Variants in PITPNB observed in about 807,000 individuals in gnomAD.
PITPNB encodes phosphatidylinositol transfer protein beta isoform.
A neutral mutation model predicts 45.9 loss-of-function variants in PITPNB; 16 were observed. The ratio of observed to expected loss-of-function variants is 0.35; its 90% CI spans 0.24 to 0.53. PITPNB has a LOEUF of 0.53. Among genes scored for constraint, PITPNB ranks in the 20% least tolerant of loss-of-function variants. The pLI, the probability that PITPNB is intolerant of heterozygous loss-of-function variation, is 0.93. For synonymous variants in PITPNB, 112 were observed against 108.9 expected, an observed-to-expected ratio of 1.03 and a Z score of -0.18; for missense variants, 188 against 330.5, an observed-to-expected ratio of 0.57 and a Z score of 3.34.
chr22:27,853,502 T>C lies in PITPNB; in HGVS notation c.*200A>G, dbSNP rs953990683. ...CGCTTTATATACAGCTACAGACATA[T>C]GCACACATACATATATACACACGTG... On this transcript the variant is annotated 3_prime_UTR_variant, in exon 12 of 12. Coordinates refer to ENST00000335272, the MANE Select transcript of PITPNB (RefSeq NM_012399.5). 1 of 804,122 alleles carries C rather than the reference T, an allele frequency of 1.2e-6. No homozygotes were observed. The highest frequency in any genetic ancestry group is 2.1e-6 in the Non-Finnish European group (1 of 471,756). 49.8% of individuals were successfully genotyped at this position (804,122 alleles called of 1,614,324 possible). A position where few individuals can be genotyped will look rare whatever the true frequency, so the allele number is the denominator to read the frequency against.
intron 10 of PITPNB, among the ~76,000 whole-genome samples, chr22:27,857,742 T>A (rs1463486469): frequency 6.6e-6 from 1 of 152,048 alleles, no homozygotes; most frequent in African/African-American, 2.4e-5. Context: ...CAGGGAAGAA[T>A]CCATCCCGAG....
intron 3 of PITPNB, among the ~76,000 whole-genome samples, chr22:27,902,869 G>A (rs2039612945): frequency 6.6e-6 from 1 of 152,058 alleles, no homozygotes; most frequent in Non-Finnish European, 1.5e-5. Flanking sequence ...CAGGTACGCT[G>A]TACTGTGACT....
intron 10 of PITPNB, among the ~76,000 whole-genome samples, chr22:27,856,766 TGTTCAGTGGACAC>T (rs1934186026): frequency 6.6e-6 from 1 of 152,198 alleles, no homozygotes; most frequent in African/African-American, 2.4e-5. Context: ...TTCTGTTTCA[TGTTCAGTGGACAC>T]CCACCAGCTG....
chr22:27,915,544 A>T (rs1936051834), intron 1 of PITPNB, among the ~76,000 whole-genome samples: 1 of 152,010 alleles, frequency 6.6e-6, no homozygotes, highest in Non-Finnish European at 1.5e-5. Flanking sequence ...ACATTACCTC[A>T]ATCTCCAACA....
intron 3 of PITPNB, among the ~76,000 whole-genome samples, chr22:27,902,235 AAGCAGAGGGAAC>A (rs1426734352): frequency 6.6e-6 from 1 of 152,094 alleles, no homozygotes; most frequent in Non-Finnish European, 1.5e-5. Context: ...ACAGAACAGC[AAGCAGAGGGAAC>A]AGCATGACTA....
At chr22:27,894,703 T>C in intron 6 of PITPNB, 65 bp from the exon 7 acceptor site, 2 of 905,934 alleles carry the variant, frequency 2.2e-6, no homozygotes, top group East Asian at 4.8e-5. Context: ...CTTACACATA[T>C]AATCTTTATC....
At chr22:27,879,882 C>T (rs1309150540) in intron 7 of PITPNB, among the ~76,000 whole-genome samples, 2 of 152,082 alleles carry the variant, frequency 1.3e-5, no homozygotes, top group African/African-American at 4.8e-5. Context: ...CATGATTTGG[C>T]CTTTAGCTTC....
intron 8 of PITPNB, among the ~76,000 whole-genome samples, chr22:27,872,387 C>T (rs1338054207): frequency 7.2e-6 from 1 of 139,522 alleles, no homozygotes; most frequent in Non-Finnish European, 1.5e-5. Flanking sequence ...AGCCACTGCA[C>T]CTGGCCCAAG....
At chr22:27,893,270 CAG>C (rs1935332805) in intron 7 of PITPNB, among the ~76,000 whole-genome samples, 1 of 150,912 alleles carries the variant, frequency 6.6e-6, no homozygotes, top group East Asian at 1.9e-4. Context: ...CAAGATGAGA[CAG>C]GGGTCTGTTT....
At chr22:27,872,094 T>G (rs1045925409) in intron 8 of PITPNB, among the ~76,000 whole-genome samples, 20 of 135,510 alleles carry the variant, frequency 1.5e-4, no homozygotes, top group African/African-American at 5.0e-4. Flanking sequence ...TTTTTTTTTT[T>G]TTTTTTTTTT....
Position 27,852,858 on chromosome 22 carries a change from A to G in PITPNB, c.*844T>C, listed in dbSNP as rs1245320313. ...TCTAACAGGAGCCTGAAAACTGTCT[A>G]GTATTTATTATAAATCAGAAACCGT... On this transcript the variant is annotated 3_prime_UTR_variant, in exon 12 of 12. Transcript: ENST00000335272. 2.6e-5 allele frequency: 4 copies of G among 152,660 alleles called. No individual in the cohort carries two copies. In the East Asian group the frequency reaches 7.7e-4, roughly 29 times the overall value. The allele number at this position is 152,660 out of a possible 1,614,324, so 9.5% of individuals were successfully genotyped here.
chr22:27,918,206 G>A (rs1569040155), intron 1 of PITPNB, among the ~76,000 whole-genome samples: 1 of 152,172 alleles, frequency 6.6e-6, no homozygotes, highest in Non-Finnish European at 1.5e-5. Flanking sequence ...TCAGAGAAGT[G>A]CATCAGTGAC....
At chr22:27,889,610 GTTCTC>G (rs1935216506) in intron 7 of PITPNB, among the ~76,000 whole-genome samples, 1 of 152,156 alleles carries the variant, frequency 6.6e-6, no homozygotes. Flanking sequence ...CAGATCATCT[GTTCTC>G]TTCTCTGAAA....
chr22:27,871,546 T>C (rs937171368), intron 8 of PITPNB, among the ~76,000 whole-genome samples: 3 of 152,188 alleles, frequency 2.0e-5, no homozygotes, highest in Admixed American at 6.5e-5. Flanking sequence ...CATGGTGTCC[T>C]TGTTTAGAAG....
intron 8 of PITPNB, among the ~76,000 whole-genome samples, chr22:27,872,373 C>T (rs935945281): frequency 2.7e-5 from 4 of 150,432 alleles, no homozygotes; most frequent in African/African-American, 7.4e-5. Context: ...GGATTACAGG[C>T]GTGAGCCACT....
chr22:27,909,726 T>C lies in PITPNB; in HGVS notation c.197+1238A>G, dbSNP rs559736706. 2.5e-4 allele frequency among the ~76,000 whole-genome samples: 38 copies of C among 152,334 alleles called. No homozygotes were observed. In the South Asian group the frequency reaches 7.9e-3, roughly 32 times the overall value. On this transcript the variant is annotated intron_variant, in intron 3 of 11. Coordinates refer to ENST00000335272, the MANE Select transcript of PITPNB (RefSeq NM_012399.5). ...ATCCTTTTATTAATTTCTCATTTTA[T>C]AACTTCTCTTAGGAACAGTAACCTA...
At position 27,869,366 on chromosome 22, in the gene PITPNB, T is replaced by A. The variant is rs545538708; in HGVS notation, c.534+4372A>T. Among the ~76,000 whole-genome samples the A allele has an allele frequency of 1.9e-3, 295 of 152,232 alleles. 1 individual carries two copies. The highest frequency in any genetic ancestry group is 3.4e-3 in the Non-Finnish European group (229 of 68,004). ...GTTTTTTAAAAATAAAAGATATGTATCACATCATAGGCTAAAAAAATTGTC... is the reference window on the plus strand; with the variant it reads ...GTTTTTTAAAAATAAAAGATATGTAACACATCATAGGCTAAAAAAATTGTC... On this transcript the variant is annotated intron_variant, in intron 8 of 11. Transcript: ENST00000335272.
At chr22:27,914,549 C>G (rs1936024116) in intron 1 of PITPNB, among the ~76,000 whole-genome samples, 1 of 152,076 alleles carries the variant, frequency 6.6e-6, no homozygotes, top group Non-Finnish European at 1.5e-5. Context: ...TCCTGGGTCT[C>G]AATGATCATT....
intron 8 of PITPNB, among the ~76,000 whole-genome samples, chr22:27,872,557 A>G (rs1934700370): frequency 6.6e-6 from 1 of 152,238 alleles, no homozygotes. Context: ...AACCAAAGTC[A>G]AATTCATTTT....
Sources: gnomAD v4.1 joint callset for allele counts (sites outside exome capture counted in the v4.1 genomes callset) on GRCh38, gnomAD v4.1.1 for gene constraint, MANE v1.5 for transcripts, NCBI Gene and HGNC (gene_info 2026-07-23, HGNC 2026-07-21) for gene names.